Variants in SNX2 observed in about 807,000 individuals in gnomAD.
SNX2 encodes the protein sorting nexin-2.
Under a neutral mutation model 69.9 loss-of-function variants are expected in SNX2, and 25 were observed. The ratio of observed to expected loss-of-function variants is 0.36; its 90% CI spans 0.26 to 0.50. SNX2 has a LOEUF of 0.50. SNX2 is among the 20% of genes least tolerant of loss of function. The pLI is 0.97. For synonymous variants in SNX2, 229 were observed against 200.4 expected (o/e 1.14, Z -1.20); for missense variants, 551 against 613.3 (o/e 0.90, Z 1.07).
intron 11 of SNX2, among the ~76,000 whole-genome samples, chr5:122,820,652 C>T (rs565392191): frequency 6.6e-6 from 1 of 152,186 alleles, no homozygotes; most frequent in South Asian, 2.1e-4. Context: ...TTCCTCATAC[C>T]CTAAGTCTTT....
Position 122,829,667 on chromosome 5 carries a change from TAAG to T in SNX2, c.*24_*26del, listed in dbSNP as rs1754237840. 1 of 1,607,480 alleles carries T rather than the reference TAAG, an allele frequency of 6.2e-7. No homozygotes were observed. Among genetic ancestry groups the T allele is most frequent in the Non-Finnish European group, 8.5e-7 (1 of 1,173,982 alleles). On this transcript the variant is annotated 3_prime_UTR_variant, in exon 15 of 15. Transcript: ENST00000379516. ...TGCCTAGCAATAAGATTGTTGCCGT[TAAG>T]AAGACCTTGGATGTTGTTCCAGTTA... is the stretch of plus-strand genomic sequence containing the variant.
chr5:122,827,346 G>T, intron 12 of SNX2, 33 bp from the exon 13 acceptor site: 2 of 1,564,992 alleles, frequency 1.3e-6, no homozygotes, highest in Admixed American at 1.7e-5. Flanking sequence ...TTTTTTTTGA[G>T]ATAAGCATAA....
Position 122,830,513 on chromosome 5 carries a change from CT to C in SNX2, c.*869del, listed in dbSNP as rs1247793962. Among the ~76,000 whole-genome samples, 1 of 151,684 alleles carries C rather than the reference CT, an allele frequency of 6.6e-6. No individual in the cohort carries two copies. The highest frequency in any genetic ancestry group is 1.9e-4 in the East Asian group (1 of 5,190). The stretch of plus-strand genomic sequence containing the variant: ...TTATTCTTGTCTTTTGGTTTTTTTT[CT>C]TTTAAACTAAAAGTATATCATCTGT... On this transcript the variant is annotated 3_prime_UTR_variant, in exon 15 of 15. Coordinates refer to ENST00000379516, the MANE Select transcript of SNX2 (RefSeq NM_003100.4).
rs1754176419 is a variant in SNX2 at position 122,827,424 on chromosome 5, T to C, written c.1402T>C (p.Ser468Pro). The change falls in exon 13 of 15, where the codon TCT becomes CCT. Residue 468 changes from serine (S) to proline (P), a missense_variant. By Grantham distance (74) the Ser-to-Pro change is moderately conservative. Transcript: ENST00000379516. ...AGGGGAAAGAGATTTTGAACAGATATCTAAAACGATTCGAAAAGAAGTGGG... is the reference window on the plus strand; with the variant it reads ...AGGGGAAAGAGATTTTGAACAGATACCTAAAACGATTCGAAAAGAAGTGGG... The part of the protein sequence containing the change: ...QQGERDFEQI[S>P]KTIRKEVGRF... 2.5e-6 allele frequency: 4 copies of C among 1,613,450 alleles called. No homozygotes were observed. The highest frequency in any genetic ancestry group is 1.1e-5 in the South Asian group (1 of 91,054).
chr5:122,810,133 G>A (rs953845424), intron 7 of SNX2, among the ~76,000 whole-genome samples: 5 of 150,260 alleles, frequency 3.3e-5, no homozygotes, highest in African/African-American at 1.2e-4. Flanking sequence ...AACATGTGCT[G>A]TGTCCACTCA....
chr5:122,832,418 T>A lies in SNX2; in HGVS notation c.*2770T>A, dbSNP rs537671257. 1 of 152,318 alleles carries A rather than the reference T, an allele frequency of 6.6e-6. No homozygotes were observed. Among genetic ancestry groups the A allele is most frequent in the Admixed American group, 6.5e-5 (1 of 15,308 alleles). The allele number at this position is 152,318 out of a possible 1,614,324, so 9.4% of individuals were successfully genotyped here. A position where few individuals can be genotyped will look rare whatever the true frequency, so the allele number is the denominator to read the frequency against. On this transcript the variant is annotated 3_prime_UTR_variant, in exon 15 of 15. Transcript: ENST00000379516. ...ACAAGACAAAATGTGTGTAAAAATA[T>A]GCCTAACACATAGATTTCCTTGATT...
In SNX2 at chr5:122,827,563, G is replaced by T. The variant is rs1754179219; in HGVS notation, c.1438-12G>T. On this transcript the variant is annotated splice_polypyrimidine_tract_variant and intron_variant, in intron 13 of 14. Transcript: ENST00000379516. Reference sequence around the variant, plus strand: ...TTTCTACTAACGGACTTTTTAAAATGTACTTCAACAGAAAGAACGAGTGAA... The same window carrying T: ...TTTCTACTAACGGACTTTTTAAAATTTACTTCAACAGAAAGAACGAGTGAA... 6.2e-7 allele frequency: 1 copy of T among 1,611,330 alleles called. No homozygotes were observed.
At chr5:122,819,682 G>T (rs1753971695) in intron 11 of SNX2, among the ~76,000 whole-genome samples, 1 of 152,158 alleles carries the variant, frequency 6.6e-6, no homozygotes, top group African/African-American at 2.4e-5. Flanking sequence ...TGTTTCAGAA[G>T]ATACTTTAAG....
At chr5:122,806,113 C>CGTGCGTGTGT (rs1554063138) in intron 6 of SNX2, among the ~76,000 whole-genome samples, 8 of 117,332 alleles carry the variant, frequency 6.8e-5, no homozygotes, top group African/African-American at 2.6e-4. Flanking sequence ...TGTGTGTGTG[C>CGTGCGTGTGT]GTGTGTGTAT....
intron 2 of SNX2, among the ~76,000 whole-genome samples, chr5:122,796,217 C>A (rs1457063520): frequency 6.6e-6 from 1 of 152,036 alleles, no homozygotes; most frequent in Admixed American, 6.6e-5. Flanking sequence ...TGGCACATTA[C>A]CCATCTCACA....
chr5:122,817,095 C>T lies in SNX2; in HGVS notation c.912+67C>T, dbSNP rs1377674393. 4.7e-6 allele frequency: 6 copies of T among 1,276,648 alleles called. No homozygotes were observed. The East Asian group carries it at 1.2e-4, about 25-fold the overall frequency. 79.1% of individuals were successfully genotyped at this position (1,276,648 alleles called of 1,614,324 possible). On this transcript the variant is annotated intron_variant, in intron 9 of 14. Coordinates refer to ENST00000379516, the MANE Select transcript of SNX2 (RefSeq NM_003100.4). Reference sequence around the variant, plus strand: ...TGAGCCCAACAATTGCATTTTAAAGCTGTACAAGTGGAAAATAGGATATTA... The same window carrying T: ...TGAGCCCAACAATTGCATTTTAAAGTTGTACAAGTGGAAAATAGGATATTA...
At chr5:122,802,199 G>A in intron 5 of SNX2, 75 bp downstream of exon 5, 1 of 1,227,114 alleles carries the variant, frequency 8.1e-7, no homozygotes, top group Non-Finnish European at 1.2e-6. Flanking sequence ...TATGATTAAG[G>A]TAGAAGTGAT....
At chr5:122,796,168 A>G (rs911504565) in intron 2 of SNX2, among the ~76,000 whole-genome samples, 1 of 152,160 alleles carries the variant, frequency 6.6e-6, no homozygotes, top group African/African-American at 2.4e-5. Context: ...ATTAATCTCT[A>G]ATCTTTGAGA....
rs150010400 is a variant in SNX2, at chr5:122,831,121, C to A, written c.*1473C>A. Among the ~76,000 whole-genome samples the A allele has an allele frequency of 4.2e-3, 644 of 151,822 alleles. 7 individuals are homozygous for A. Among genetic ancestry groups the A allele is most frequent in the Middle Eastern group, 0.024 (7 of 294 alleles). ...TGAGCTTAACCACCACATATCCCTT[C>A]CATAGGAACAAGATATGGTATGTGT... On this transcript the variant is annotated 3_prime_UTR_variant, in exon 15 of 15. Coordinates refer to ENST00000379516, the MANE Select transcript of SNX2 (RefSeq NM_003100.4).
chr5:122,817,150 C>A, intron 9 of SNX2, 122 bp downstream of exon 9: 1 of 1,117,514 alleles, frequency 8.9e-7, no homozygotes, highest in Non-Finnish European at 1.3e-6. Flanking sequence ...TTCTCAGCCA[C>A]ATCAGTTGGC....
chr5:122,815,612 A>G (rs1009924572), intron 7 of SNX2: 16 of 214,540 alleles, frequency 7.5e-5, no homozygotes, highest in Admixed American at 6.3e-4. Flanking sequence ...ATACTTTGCA[A>G]TGAGAAGTTT....
chr5:122,783,568 GCTGT>G (rs909534506), intron 1 of SNX2, among the ~76,000 whole-genome samples: 23 of 152,068 alleles, frequency 1.5e-4, no homozygotes, highest in African/African-American at 4.8e-4. Context: ...TCTTTATTGG[GCTGT>G]CTTTTTCAGA....
At chr5:122,780,545 A>G (rs374831017) in intron 1 of SNX2, among the ~76,000 whole-genome samples, 3 of 151,278 alleles carry the variant, frequency 2.0e-5, no homozygotes, top group East Asian at 3.9e-4. Context: ...TAATAAAAGT[A>G]TATATAACTT....
intron 11 of SNX2, among the ~76,000 whole-genome samples, chr5:122,820,302 CCGAGGCGGGTGGATCA>C (rs1488167214): frequency 1.3e-5 from 2 of 152,146 alleles, no homozygotes; most frequent in Admixed American, 1.3e-4. Context: ...CCTTGGGAGG[CCGAGGCGGGTGGATCA>C]CGAGGTCAGG....
Sources: allele counts gnomAD v4.1 joint callset (sites outside exome capture counted in the v4.1 genomes callset), GRCh38; gene constraint gnomAD v4.1.1; transcripts MANE v1.5; gene names NCBI Gene and HGNC (gene_info 2026-07-23, HGNC 2026-07-21).